The following APOB variants were observed in gnomAD, a reference collection of about 807,000 sequenced individuals.
APOB encodes apolipoprotein B-100.
APOB carries 153 observed loss-of-function variants against 314.1 expected under a neutral mutation model. The ratio of observed to expected loss-of-function variants is 0.49; its 90% CI spans 0.43 to 0.56. The LOEUF (loss-of-function observed/expected upper bound fraction) is 0.56, where lower values mean the gene tolerates loss of function less well. APOB is among the 20% of genes least tolerant of loss of function. The pLI is 0.00. For missense variants in APOB, 5,430 were observed against 5,350.7 expected (o/e 1.01, Z -0.46); for synonymous variants, 2,087 against 2,036.4 (o/e 1.02, Z -0.67).
At position 21,033,506 on chromosome 2, in the gene APOB, A is replaced by G; in HGVS notation, c.917T>C (p.Met306Thr). The G allele has an allele frequency of 1.2e-6, 2 of 1,614,082 alleles. No homozygotes were observed. The highest frequency in any genetic ancestry group is 1.1e-5 in the South Asian group (1 of 91,082). The change falls in exon 9 of 29, where the codon ATG becomes ACG. Residue 306 changes from methionine to threonine, a missense_variant. By Grantham distance (81) the Met-to-Thr change is moderately conservative (BLOSUM62 -1). This residue lies in a region of APOB where 2,085 missense variants were observed against 2,079.7 expected (regional missense o/e 1.00). Transcript: ENST00000233242. ...TTTGGTGCTCTCAAATGCGAGGCCC[A>G]TCTTCTTAGTACCTGGAAGATGGAA... ...SRFFGEGTKK[M>T]GLAFESTKST...
At chr2:21,041,184 T>C (rs1664124314) in intron 3 of APOB, 101 bp from the exon 4 acceptor site, 1 of 1,294,556 alleles carries the variant, frequency 7.7e-7, no homozygotes, top group Non-Finnish European at 1.1e-6. Context: ...CCAAAGGGAA[T>C]GGTGCTGGGA....
rs777844352 is a variant in APOB at position 21,013,311 on chromosome 2, A to AACACCCAGG, written c.4056_4064dup (p.Gly1354_Leu1356dup). The AACACCCAGG allele has an allele frequency of 4.6e-5, 75 of 1,614,094 alleles. 1 individual carries two copies. The Admixed American group carries it at 8.8e-4, about 19-fold the overall frequency. On this transcript the variant is annotated inframe_insertion, in exon 25 of 29. Coordinates refer to ENST00000233242, the MANE Select transcript of APOB (RefSeq NM_000384.3). ...TGTAGACATTCGTGGAGAGGTCTAG[A>AACACCCAGG]ACACCCAGGAGAGGCACTTGCAGTT...
In APOB at chr2:21,011,873, C is replaced by T. The variant is rs1366894470; in HGVS notation, c.4995G>A (p.Leu1665=). ...SATTNLKCSL[L]VLENELNAEL... is the part of the protein sequence containing the mutation. Reference sequence around the variant, plus strand: ...CTGCATTCAGCTCATTCTCCAGCACCAGGAGACTACACTTCAAGTTGGTCG... The same window carrying T: ...CTGCATTCAGCTCATTCTCCAGCACTAGGAGACTACACTTCAAGTTGGTCG... The change falls in exon 26 of 29, where the codon CTG becomes CTA. Residue 1665 remains leucine, a synonymous_variant. Coordinates refer to ENST00000233242, the MANE Select transcript of APOB (RefSeq NM_000384.3). 6 of 1,613,920 alleles carry T rather than the reference C, an allele frequency of 3.7e-6. No homozygotes were observed. Among genetic ancestry groups the T allele is most frequent in the Non-Finnish European group, 5.1e-6 (6 of 1,180,044 alleles).
chr2:21,003,315 A>G lies in APOB; in HGVS notation c.12107T>C (p.Leu4036Pro), dbSNP rs1451475157. 1 of 1,613,218 alleles carries G rather than the reference A, an allele frequency of 6.2e-7. No homozygotes were observed. Among genetic ancestry groups the G allele is most frequent in the South Asian group, 1.1e-5 (1 of 91,068 alleles). ...YSPQSSPDKK[L>P]TIFKTELRVR... Reference sequence around the variant, plus strand: ...CCTCAACTCAGTTTTGAATATGGTGAGTTTTTTATCTGGAGAGGACTAAAC... The same window carrying G: ...CCTCAACTCAGTTTTGAATATGGTGGGTTTTTTATCTGGAGAGGACTAAAC... Residue 4036 changes from leucine to proline, a missense_variant, in exon 29 of 29, where the codon CTC (leucine) becomes CCC (proline). Physicochemically the swap from Leu to Pro is moderately conservative, Grantham distance 98 (BLOSUM62 -3). Transcript: ENST00000233242.
chr2:21,021,731 A>C (rs563539131), intron 18 of APOB, among the ~76,000 whole-genome samples: 2 of 152,338 alleles, frequency 1.3e-5, no homozygotes, highest in East Asian at 3.9e-4. Context: ...CACAGTCCTC[A>C]GTTATCAGGT....
Position 21,009,934 on chromosome 2 carries a change from C to A in APOB, c.6934G>T (p.Asp2312Tyr). 1.2e-6 allele frequency: 2 copies of A among 1,613,684 alleles called. No individual in the cohort carries two copies. The highest frequency in any genetic ancestry group is 1.7e-6 in the Non-Finnish European group (2 of 1,179,716). ...GTTISFERIN[D>Y]ILEHVKHFVI... is the part of the protein sequence containing the mutation. Reference sequence around the variant, plus strand: ...AAGTGTTTGACATGCTCAAGAATGTCATTTATTCTTTCAAATGAAATTGTA... The same window carrying A: ...AAGTGTTTGACATGCTCAAGAATGTAATTTATTCTTTCAAATGAAATTGTA... The change falls in exon 26 of 29, where the codon GAC becomes TAC. Residue 2312 changes from aspartate to tyrosine, a missense_variant. Physicochemically the swap from Asp to Tyr is radical, Grantham distance 160. This residue lies in a region of APOB where 3,281 missense variants were observed against 3,171.0 expected (regional missense o/e 1.03). Transcript: ENST00000233242.
At position 21,004,344 on chromosome 2, in the gene APOB, T is replaced by C. The variant is rs1663069281; in HGVS notation, c.12012A>G (p.Pro4004=). The change falls in exon 28 of 29, where the codon CCA becomes CCG. Residue 4004 remains proline (P), a synonymous_variant. Transcript: ENST00000233242. ...KKGISTSAAS[P]AVGTVGMDMD... ...TATCCATGCCCACGGTGCCTACGGC[T>C]GGGGAGGCTGCTGAGGTGGAGATGC... 1 of 1,613,794 alleles carries C rather than the reference T, an allele frequency of 6.2e-7. No individual in the cohort carries two copies. Among genetic ancestry groups the C allele is most frequent in the African/African-American group, 1.3e-5 (1 of 74,904 alleles).
Position 21,007,574 on chromosome 2 carries a change from G to A in APOB, c.9294C>T (p.Tyr3098=), listed in dbSNP as rs145777339. 3,401 of 1,614,050 alleles carry A rather than the reference G, an allele frequency of 2.1e-3. 4 individuals are homozygous for A. The highest frequency in any genetic ancestry group is 2.6e-3 in the Non-Finnish European group (3,009 of 1,179,954). The change falls in exon 26 of 29, where the codon TAC becomes TAT. Residue 3098 remains tyrosine (Y), a synonymous_variant. Coordinates refer to ENST00000233242, the MANE Select transcript of APOB (RefSeq NM_000384.3). The part of the protein sequence containing the change: ...QVSARFNQYK[Y]NQNFSAGNNE... ...TGTTTCCAGCAGAGAAATTTTGGTTGTACTTATACTGATTGAACCTAGCAC... is the reference window on the plus strand; with the variant it reads ...TGTTTCCAGCAGAGAAATTTTGGTTATACTTATACTGATTGAACCTAGCAC...
chr2:21,036,928 C>T (rs1027201297), intron 6 of APOB, among the ~76,000 whole-genome samples, 172 bp downstream of exon 6: 2 of 152,078 alleles, frequency 1.3e-5, no homozygotes, highest in African/African-American at 4.8e-5. Flanking sequence ...GATCCCAGGC[C>T]GTGAAGCCTG....
chr2:21,002,240 A>G lies in APOB; in HGVS notation c.13182T>C (p.Val4394=), dbSNP rs765917049. ...GTTCATAATATTTCACTGTCCAGCC[A>G]ACTATACTTGGATCAAAATATTCTT... ...LREEYFDPSI[V]GWTVKYYELE... The change falls in exon 29 of 29, where the codon GTT becomes GTC. Residue 4394 remains valine (V), a synonymous_variant. Transcript: ENST00000233242. The G allele has an allele frequency of 4.3e-6, 7 of 1,613,914 alleles. No individual in the cohort carries two copies. The highest frequency in any genetic ancestry group is 3.3e-5 in the Admixed American group (2 of 59,982).
chr2:21,009,898 G>A lies in APOB; in HGVS notation c.6970C>T (p.Leu2324Phe), dbSNP rs764881063. Reference sequence around the variant, plus strand: ...TCAGCTACTTCAAAATCCCCAATAAGATTTATAACAAAGTGTTTGACATGC... The same window carrying A: ...TCAGCTACTTCAAAATCCCCAATAAAATTTATAACAAAGTGTTTGACATGC... ...LEHVKHFVIN[L>F]IGDFEVAEKI... The change falls in exon 26 of 29, where the codon CTT (leucine) becomes TTT (phenylalanine). Residue 2324 changes from leucine (L) to phenylalanine (F), a missense_variant. Around this residue, in one of 3 missense-constraint regions of APOB, gnomAD observed 3,281 missense variants for 3,171.0 expected, o/e 1.03. Coordinates refer to ENST00000233242, the MANE Select transcript of APOB (RefSeq NM_000384.3). 1.9e-6 allele frequency: 3 copies of A among 1,613,930 alleles called. No homozygotes were observed. The highest frequency in any genetic ancestry group is 2.5e-6 in the Non-Finnish European group (3 of 1,179,904).
chr2:21,027,655 CTAGCGGGGA>C (rs1663766207), intron 14 of APOB, among the ~76,000 whole-genome samples, 164 bp downstream of exon 14: 1 of 152,138 alleles, frequency 6.6e-6, no homozygotes, highest in South Asian at 2.1e-4. Flanking sequence ...CAGGTGACCC[CTAGCGGGGA>C]GAGAGGAAGG....
At chr2:21,013,113 C>T (rs1186319973) in intron 25 of APOB, 47 bp downstream of exon 25, 1 of 1,611,850 alleles carries the variant, frequency 6.2e-7, no homozygotes, top group Middle Eastern at 2.2e-4. Context: ...CCTCTTAGAG[C>T]CTGCCATGAA....
At position 21,005,760 on chromosome 2, in the gene APOB, C is replaced by T. The variant is rs1414976234; in HGVS notation, c.11108G>A (p.Arg3703His). 1.5e-5 allele frequency: 25 copies of T among 1,613,904 alleles called. No homozygotes were observed. The highest frequency in any genetic ancestry group is 8.0e-5 in the African/African-American group (6 of 75,012). ...TTSIGRRQHL[R>H]VSTAFVYTKN... ...GGTGTACACAAAGGCAGTTGAAACA[C>T]GAAGATGCTGTCTCCTACCAATGCT... The change falls in exon 26 of 29, where the codon CGT becomes CAT. Residue 3703 changes from arginine (R) to histidine (H), a missense_variant. This residue lies in a region of APOB where 3,281 missense variants were observed against 3,171.0 expected (regional missense o/e 1.03). Transcript: ENST00000233242.
Position 21,010,909 on chromosome 2 carries a change from A to C in APOB, c.5959T>G (p.Phe1987Val). 1 of 1,614,076 alleles carries C rather than the reference A, an allele frequency of 6.2e-7. No individual in the cohort carries two copies. The highest frequency in any genetic ancestry group is 8.5e-7 in the Non-Finnish European group (1 of 1,179,978). The change falls in exon 26 of 29, where the codon TTT becomes GTT. Residue 1987 changes from phenylalanine (F) to valine (V), a missense_variant. Physicochemically the swap from Phe to Val is conservative, Grantham distance 50. Transcript: ENST00000233242. ...TCCTGGCTGTATTCATTGTTGTTAA[A>C]TTGGGTCTTGAGTTTCCAGGTGCCT... ...QTGTWKLKTQ[F>V]NNNEYSQDLD...
chr2:21,022,790 C>G, intron 18 of APOB, 41 bp downstream of exon 18: 2 of 1,597,396 alleles, frequency 1.3e-6, no homozygotes, highest in African/African-American at 1.3e-5. Context: ...TCTCTGTTCT[C>G]TCTTTCAAAC....
In APOB at chr2:21,006,524, G is replaced by A. The variant is rs13306193; in HGVS notation, c.10344C>T (p.Thr3448=). The A allele has an allele frequency of 3.8e-5, 61 of 1,613,880 alleles. No homozygotes were observed. In the East Asian group the frequency reaches 1.4e-3, roughly 36 times the overall value. Residue 3448 remains threonine (T), a synonymous_variant, in exon 26 of 29, where the codon ACC becomes ACT. Coordinates refer to ENST00000233242, the MANE Select transcript of APOB (RefSeq NM_000384.3). ...AGGAAGAGACAGTAGGTTTTGACTT[G>A]GTATTTCCATTAAGTTCTTGCTTGA... ...MNFKQELNGN[T]KSKPTVSSSM...
At chr2:21,030,698 A>C (rs1298299122) in intron 10 of APOB, among the ~76,000 whole-genome samples, 1 of 152,242 alleles carries the variant, frequency 6.6e-6, no homozygotes, top group Non-Finnish European at 1.5e-5. Context: ...CAAACTATTC[A>C]TCCAATGGGG....
intron 6 of APOB, 71 bp downstream of exon 6, chr2:21,037,029 C>A: frequency 6.2e-7 from 1 of 1,600,936 alleles, no homozygotes; most frequent in South Asian, 1.1e-5. Flanking sequence ...CCCACTAGCT[C>A]AAAAGTTCTG....
Sources: allele counts gnomAD v4.1 joint callset (sites outside exome capture counted in the v4.1 genomes callset), GRCh38; gene constraint gnomAD v4.1.1; regional missense constraint gnomAD v4.1.1; transcripts MANE v1.5; gene names NCBI Gene and HGNC (gene_info 2026-07-23, HGNC 2026-07-21).